Variants in ZNF69 observed in about 807,000 individuals in gnomAD.
The protein encoded by ZNF69 is zinc finger protein 69.
Under a neutral mutation model 50.9 loss-of-function variants are expected in ZNF69, and 47 were observed. The observed-to-expected ratio is 0.92, with a 90% confidence interval of 0.73 to 1.18. The LOEUF (loss-of-function observed/expected upper bound fraction) is 1.18. Ranked by LOEUF, ZNF69 falls within the 50% of genes most tolerant of loss-of-function variation. The pLI, the probability that ZNF69 is intolerant of heterozygous loss-of-function variation, is 0.00. For synonymous variants in ZNF69, 216 were observed against 223.1 expected (o/e 0.97, Z 0.29); for missense variants, 717 against 675.1 (o/e 1.06, Z -0.69).
At chr19:11,928,397 C>T in the ZNF69 span, among the ~76,000 whole-genome samples, 1 of 151,990 alleles carries the variant, frequency 6.6e-6, no homozygotes, top group East Asian at 1.9e-4. Context: ...TTTAACATTC[C>T]ATCTGAAGAC....
chr19:11,951,315 G>T, the ZNF69 span, among the ~76,000 whole-genome samples: 1 of 141,044 alleles, frequency 7.1e-6, no homozygotes, highest in African/African-American at 2.9e-5. Context: ...TGCCACCTCC[G>T]CCTCCTAGGT....
the ZNF69 span, among the ~76,000 whole-genome samples, chr19:11,925,579 G>T: frequency 6.6e-6 from 1 of 152,224 alleles, no homozygotes; most frequent in Non-Finnish European, 1.5e-5. Flanking sequence ...GCAACGGGAG[G>T]GTCATGGAGG....
chr19:11,955,727 G>A, the ZNF69 span, among the ~76,000 whole-genome samples: 1 of 152,204 alleles, frequency 6.6e-6, no homozygotes, highest in African/African-American at 2.4e-5. Flanking sequence ...TAGATAATCA[G>A]TGAATTACAA....
the ZNF69 span, among the ~76,000 whole-genome samples, chr19:11,970,029 C>A: frequency 6.6e-6 from 1 of 152,196 alleles, no homozygotes; most frequent in Non-Finnish European, 1.5e-5. Flanking sequence ...GGAGTGGGAC[C>A]TCCCGAGGGA....
the ZNF69 span, among the ~76,000 whole-genome samples, chr19:11,958,624 C>A: frequency 6.6e-6 from 1 of 152,172 alleles, no homozygotes; most frequent in Non-Finnish European, 1.5e-5. Flanking sequence ...GTAGAAGTCC[C>A]AGAATTAATT....
chr19:11,956,727 A>G, the ZNF69 span: 3 of 387,976 alleles, frequency 7.7e-6, no homozygotes, highest in Non-Finnish European at 1.4e-5. Flanking sequence ...GTAGGGGCTC[A>G]AGCCTGTAAT....
At chr19:11,977,045 T>G in the ZNF69 span, 1 of 1,614,074 alleles carries the variant, frequency 6.2e-7, no homozygotes, top group African/African-American at 1.3e-5. Flanking sequence ...CAGGACCCTG[T>G]GGCCTGTGAG....
At chr19:11,892,724 G>A (rs1014689770) in intron 1 of ZNF69, among the ~76,000 whole-genome samples, 2 of 152,190 alleles carry the variant, frequency 1.3e-5, no homozygotes, top group Non-Finnish European at 2.9e-5. Context: ...TGTAATCAGG[G>A]AAAGGAGAGT....
the ZNF69 span, among the ~76,000 whole-genome samples, chr19:11,958,121 T>C: frequency 6.6e-6 from 1 of 152,192 alleles, no homozygotes; most frequent in African/African-American, 2.4e-5. Flanking sequence ...ATTTTCAGGA[T>C]TGCCCACCCA....
At chr19:11,927,803 T>C in the ZNF69 span, among the ~76,000 whole-genome samples, 1 of 152,216 alleles carries the variant, frequency 6.6e-6, no homozygotes, top group South Asian at 2.1e-4. Context: ...GGCTGTTTTC[T>C]TCATGGGAAA....
the ZNF69 span, chr19:11,948,989 G>A: frequency 1.8e-5 from 29 of 1,608,036 alleles, no homozygotes; most frequent in East Asian, 4.5e-5. Context: ...AGTTCTCTTC[G>A]TAGACATGAA....
the ZNF69 span, among the ~76,000 whole-genome samples, chr19:11,919,686 C>G: frequency 4.6e-5 from 7 of 152,098 alleles, no homozygotes; most frequent in African/African-American, 1.7e-4. Context: ...TAAAGGAGGG[C>G]TCTCACAATG....
chr19:11,903,513 T>A, intron 1 of ZNF69, 60 bp from the exon 2 acceptor site: 1 of 1,606,640 alleles, frequency 6.2e-7, no homozygotes, highest in Non-Finnish European at 8.5e-7. Flanking sequence ...GAGAATAGAG[T>A]CTAGGCCCCC....
chr19:11,925,073 C>T, the ZNF69 span: 3 of 942,664 alleles, frequency 3.2e-6, no homozygotes, highest in Admixed American at 4.6e-5. Flanking sequence ...GTGGCACTGC[C>T]CACAGTTCAT....
At chr19:11,912,921 G>T (rs573151111) in intron 4 of ZNF69, among the ~76,000 whole-genome samples, 1 of 152,160 alleles carries the variant, frequency 6.6e-6, no homozygotes, top group Non-Finnish European at 1.5e-5. Context: ...TAATAGTAAG[G>T]CCGGGTGCGG....
the ZNF69 span, among the ~76,000 whole-genome samples, chr19:11,919,407 GC>G: frequency 6.6e-6 from 1 of 151,900 alleles, no homozygotes; most frequent in African/African-American, 2.4e-5. Flanking sequence ...CGTCTCCAAA[GC>G]CTCTTTTTGG....
the ZNF69 span, among the ~76,000 whole-genome samples, chr19:11,941,942 C>T: frequency 6.6e-6 from 1 of 150,632 alleles, no homozygotes; most frequent in East Asian, 2.0e-4. Context: ...TTACTGCCAC[C>T]CCAGGAAGGT....
intron 1 of ZNF69, among the ~76,000 whole-genome samples, chr19:11,892,475 G>T (rs999383956): frequency 6.6e-6 from 1 of 151,978 alleles, no homozygotes; most frequent in Non-Finnish European, 1.5e-5. Flanking sequence ...TAGTGAAGAG[G>T]GGCCCAGTGG....
At chr19:11,970,236 A>G in the ZNF69 span, among the ~76,000 whole-genome samples, 5 of 152,326 alleles carry the variant, frequency 3.3e-5, no homozygotes, top group East Asian at 9.6e-4. Flanking sequence ...AACTGTGAAG[A>G]GAGAAATATC....
Sources: gnomAD v4.1 joint callset for allele counts (sites outside exome capture counted in the v4.1 genomes callset) on GRCh38, gnomAD v4.1.1 for gene constraint, MANE v1.5 for transcripts, NCBI Gene and HGNC (gene_info 2026-07-23, HGNC 2026-07-21) for gene names.